The following EFS variants were observed in gnomAD, a reference collection of about 807,000 sequenced individuals.
EFS encodes embryonal Fyn-associated substrate.
In EFS, 34 loss-of-function variants were observed where a neutral mutation model predicts 42.2. The ratio of observed to expected loss-of-function variants is 0.81; its 90% confidence interval spans 0.61 to 1.07. EFS has a LOEUF of 1.07. Among genes scored for constraint, EFS ranks in the 50% least tolerant of loss-of-function variants. The probability of loss-of-function intolerance (pLI) is 0.00; values close to 1 mark genes in which losing one functional copy is unlikely to be tolerated. For synonymous variants in EFS, 299 were observed against 320.7 expected, an observed-to-expected ratio of 0.93 and a Z score of 0.72; for missense variants, 717 against 729.4, an observed-to-expected ratio of 0.98 and a Z score of 0.20.
chr14:23,357,280 T>C lies in EFS; in HGVS notation c.1632A>G (p.Glu544=). The C allele has an allele frequency of 1.3e-6, 2 of 1,590,908 alleles. No homozygotes were observed. Among genetic ancestry groups the C allele is most frequent in the Non-Finnish European group, 1.7e-6 (2 of 1,162,776 alleles). The change falls in exon 6 of 6, where the codon GAA becomes GAG. Residue 544 remains glutamate, a synonymous_variant. Transcript: ENST00000216733. ...AIQEMVQCVT[E]LAGQALQFTT... is the part of the protein sequence containing the mutation. ...TGAATTGCAGGGCCTGCCCTGCCAG[T>C]TCTGTTACACACTGCACCATCTCTT...
chr14:23,357,717 T>G, intron 5 of EFS, 57 bp from the exon 6 acceptor site: 1 of 1,376,052 alleles, frequency 7.3e-7, no homozygotes, highest in Non-Finnish European at 9.7e-7. Flanking sequence ...ATTTCCTCCC[T>G]CACTTCTTTT....
chr14:23,357,769 T>C, intron 5 of EFS, 109 bp from the exon 6 acceptor site: 1 of 931,394 alleles, frequency 1.1e-6, no homozygotes. Context: ...CTTTTAGCTC[T>C]TACCTCTGCC....
intron 1 of EFS, among the ~76,000 whole-genome samples, chr14:23,364,051 G>A (rs1488990998): frequency 6.6e-6 from 1 of 152,140 alleles, no homozygotes; most frequent in African/African-American, 2.4e-5. Context: ...CTCTCCGAGA[G>A]TCCCCACTGA....
Position 23,357,238 on chromosome 14 carries a change from G to C in EFS, c.1674C>G (p.Ser558Arg), listed in dbSNP as rs1046999200. The change falls in exon 6 of 6, where the codon AGC becomes AGG. Residue 558 changes from serine to arginine, a missense_variant. Transcript: ENST00000216733. The stretch of plus-strand genomic sequence containing the variant: ...TGCCAAAGGACCTTCATGGAGCCAG[G>C]CTAGTGAGCAGGGTAGTGAATTGCA... ...QALQFTTLLT[S>R]LAP The C allele has an allele frequency of 3.2e-6, 5 of 1,550,380 alleles. No homozygotes were observed. The African/African-American group carries it at 6.8e-5, about 21-fold the overall frequency.
At position 23,359,682 on chromosome 14, in the gene EFS, G is replaced by A. The variant is rs752895755; in HGVS notation, c.796C>T (p.Pro266Ser). Reference protein sequence around the residue: ...PLLGPEAPPSPEPPGALASHD... With the variant: ...PLLGPEAPPSSEPPGALASHD... ...GAGGCCAAGGCTCCAGGGGGCTCTG[G>A]AGAAGGGGGAGCCTCTGGCCCCAGC... is the stretch of plus-strand genomic sequence containing the variant. Residue 266 changes from proline to serine, a missense_variant, in exon 4 of 6, where the codon CCA becomes TCA. By Grantham distance (74) the Pro-to-Ser change is moderately conservative. Transcript: ENST00000216733. 6.6e-7 allele frequency: 1 copy of A among 1,512,394 alleles called. No homozygotes were observed. Among genetic ancestry groups the A allele is most frequent in the South Asian group, 1.3e-5 (1 of 74,864 alleles). 93.7% of individuals were successfully genotyped at this position (1,512,394 alleles called of 1,614,324 possible).
intron 5 of EFS, 28 bp from the exon 6 acceptor site, chr14:23,357,688 G>T (rs762852459): frequency 1.3e-6 from 2 of 1,488,660 alleles, no homozygotes; most frequent in Non-Finnish European, 1.8e-6. Flanking sequence ...TGGTCAGAGA[G>T]AACATTCTCA....
At position 23,360,167 on chromosome 14, in the gene EFS, G is replaced by A. The variant is rs745908649; in HGVS notation, c.412C>T (p.Leu138=). Residue 138 remains leucine (L), a synonymous_variant, in exon 3 of 6, where the codon CTG becomes TTG. Transcript: ENST00000216733. ...TCCAAGGCATCTCTGGGAGCAGCCA[G>A]CTGGGTCCCACTAGCTCTGGGGATT... ...YKIPRASGTQ[L]AAPRDALEVY... is the part of the protein sequence containing the mutation. The A allele has an allele frequency of 2.5e-6, 4 of 1,614,202 alleles. No homozygotes were observed. Among genetic ancestry groups the A allele is most frequent in the Non-Finnish European group, 3.4e-6 (4 of 1,180,030 alleles).
chr14:23,357,630 C>T lies in EFS; in HGVS notation c.1282G>A (p.Val428Met). 3 of 1,549,828 alleles carry T rather than the reference C, an allele frequency of 1.9e-6. No individual in the cohort carries two copies. Among genetic ancestry groups the T allele is most frequent in the East Asian group, 4.6e-5 (2 of 43,724 alleles). Residue 428 changes from valine to methionine, a missense_variant, in exon 6 of 6, where the codon GTG becomes ATG. Transcript: ENST00000216733. ...EALSPGEPLV[V>M]STGDLQLLYF... is the part of the protein sequence containing the mutation. ...AGGAGCTGCAGATCTCCGGTGGACA[C>T]AACCAGTGGCTCCCCTGGGGACAGG...
chr14:23,357,956 C>T (rs1355343031), intron 5 of EFS, among the ~76,000 whole-genome samples: 1 of 151,658 alleles, frequency 6.6e-6, no homozygotes, highest in Non-Finnish European at 1.5e-5. Flanking sequence ...TAATGTGAAC[C>T]ACATGTGAAA....
At chr14:23,362,949 T>C (rs1036646642) in intron 1 of EFS, among the ~76,000 whole-genome samples, 4 of 150,696 alleles carry the variant, frequency 2.7e-5, no homozygotes, top group Non-Finnish European at 4.4e-5. Flanking sequence ...AGTTTTGCTC[T>C]GTCGCCCAGG....
In EFS at chr14:23,365,012, G is replaced by T; in HGVS notation, c.14C>A (p.Thr5Lys). The T allele has an allele frequency of 7.5e-7, 1 of 1,339,842 alleles. No individual in the cohort carries two copies. Among genetic ancestry groups the T allele is most frequent in the East Asian group, 2.9e-5 (1 of 34,926 alleles). The allele number at this position is 1,339,842 out of a possible 1,614,324, so 83.0% of individuals were successfully genotyped here. A position where few individuals can be genotyped will look rare whatever the true frequency, so the allele number is the denominator to read the frequency against. ...TCCACTCCCTGGTGGACTCACCGAC[G>T]TGGCAATGGCCATGGCTTTGGCCTC... MAIA[T>K]STQLARALYD... Residue 5 changes from threonine (T) to lysine (K), a missense_variant, in exon 1 of 6, where the codon ACG (threonine) becomes AAG (lysine). Coordinates refer to ENST00000216733, the MANE Select transcript of EFS (RefSeq NM_005864.4). The surrounding 1 kb of genome is among the most constrained non-coding windows in gnomAD (Gnocchi z 5.3).
rs745942468 is a variant in EFS at position 23,364,189 on chromosome 14, TG to T, written c.18+818del. Among the ~76,000 whole-genome samples, 34 of 152,232 alleles carry T rather than the reference TG, an allele frequency of 2.2e-4. No individual in the cohort carries two copies. The East Asian group carries it at 5.4e-3, about 24-fold the overall frequency. ...TAGACTGTAGAACAGAAAGCAGAGGTGGGGCTGTAGAGCGCTCCTCCCGGTG... is the reference window on the plus strand; with the variant it reads ...TAGACTGTAGAACAGAAAGCAGAGGTGGGCTGTAGAGCGCTCCTCCCGGTG... On this transcript the variant is annotated intron_variant, in intron 1 of 5. Coordinates refer to ENST00000216733, the MANE Select transcript of EFS (RefSeq NM_005864.4).
intron 1 of EFS, among the ~76,000 whole-genome samples, chr14:23,362,150 T>C (rs534674105): frequency 6.6e-6 from 1 of 152,356 alleles, no homozygotes; most frequent in South Asian, 2.1e-4. Flanking sequence ...TGCTCCATGA[T>C]GTCATTTGGT....
Position 23,360,784 on chromosome 14 carries a change from T to C in EFS, c.68A>G (p.Glu23Gly). 1 of 1,613,810 alleles carries C rather than the reference T, an allele frequency of 6.2e-7. No homozygotes were observed. The highest frequency in any genetic ancestry group is 1.1e-5 in the South Asian group (1 of 91,058). ...GACATCCCCTCGGCGGAAGGACAGC[T>C]CCTGGGGGGACTCAGCGGTGTTGTC... ...LYDNTAESPQELSFRRGDVLR... is the reference protein window; with the variant it reads ...LYDNTAESPQGLSFRRGDVLR... The change falls in exon 2 of 6, where the codon GAG becomes GGG. Residue 23 changes from glutamate to glycine, a missense_variant. Physicochemically the swap from Glu to Gly is moderately conservative, Grantham distance 98. Transcript: ENST00000216733.
intron 5 of EFS, 38 bp downstream of exon 5, chr14:23,358,838 C>T (rs763053717): frequency 6.4e-7 from 1 of 1,565,726 alleles, no homozygotes; most frequent in Non-Finnish European, 8.7e-7. Flanking sequence ...TCCTCCCTCC[C>T]CTGTCCCCTT....
intron 4 of EFS, 53 bp from the exon 5 acceptor site, chr14:23,359,018 G>A: frequency 8.7e-6 from 13 of 1,487,112 alleles, no homozygotes; most frequent in Non-Finnish European, 1.2e-5. Flanking sequence ...GGACGGGGTG[G>A]CCTCTGTGGC....
chr14:23,360,516 G>T (rs1030739611), intron 2 of EFS, 39 bp downstream of exon 2: 4 of 1,519,740 alleles, frequency 2.6e-6, no homozygotes, highest in African/African-American at 1.4e-5. Context: ...GAGGAATGGG[G>T]CTCTTCTGGC....
intron 1 of EFS, among the ~76,000 whole-genome samples, chr14:23,364,317 T>C (rs1890250672): frequency 6.6e-6 from 1 of 152,146 alleles, no homozygotes; most frequent in Non-Finnish European, 1.5e-5. Context: ...CCACTCCTGC[T>C]CTATCCCCCA....
At chr14:23,362,384 GAGA>G (rs1226891092) in intron 1 of EFS, among the ~76,000 whole-genome samples, 1 of 152,200 alleles carries the variant, frequency 6.6e-6, no homozygotes, top group Non-Finnish European at 1.5e-5. Flanking sequence ...AGACCCTGGG[GAGA>G]AGGATGCCCT....
Sources: allele counts gnomAD v4.1 joint callset (sites outside exome capture counted in the v4.1 genomes callset), GRCh38; gene constraint gnomAD v4.1.1; non-coding constraint Gnocchi (gnomAD v3.1); transcripts MANE v1.5; gene names NCBI Gene and HGNC (gene_info 2026-07-23, HGNC 2026-07-21).